Variants in ZNF473 observed in about 807,000 individuals in gnomAD.
ZNF473 encodes zinc finger protein 100 homolog.
A neutral mutation model predicts 11.1 loss-of-function variants in ZNF473; 4 were observed. That is an observed-to-expected ratio of 0.36 (90% CI 0.18 to 0.82). The LOEUF (loss-of-function observed/expected upper bound fraction) is 0.82, where lower values mean the gene tolerates loss of function less well. Ranked by LOEUF, ZNF473 falls within the 40% of genes least tolerant of loss-of-function variation. The pLI is 0.49. For missense variants in ZNF473, 854 were observed against 1,084.0 expected (o/e 0.79, Z 2.98); for synonymous variants, 404 against 390.4 (o/e 1.03, Z -0.41).
chr19:50,034,990 C>T (rs10407938), intron 2 of ZNF473, among the ~76,000 whole-genome samples: 7,991 of 152,234 alleles, frequency 0.052, 693 homozygotes, highest in African/African-American at 0.18. Context: ...TTAGTTGGAA[C>T]ACTTTACAAG....
intron 4 of ZNF473, chr19:50,042,046 G>A (rs1023052983): frequency 5.5e-6 from 2 of 361,806 alleles, no homozygotes; most frequent in Non-Finnish European, 1.0e-5. Context: ...TTCAGCACAG[G>A]GTTATCCTGG....
At chr19:50,042,791 G>T (rs1978848241) in intron 4 of ZNF473, 2 of 152,186 alleles carry the variant, frequency 1.3e-5, no homozygotes, top group Non-Finnish European at 2.9e-5. Flanking sequence ...GCATATAAGG[G>T]GTGCCTATTA....
chr19:50,043,446 AAAATATATAT>A (rs1183278033), intron 4 of ZNF473: 4 of 107,364 alleles, frequency 3.7e-5, no homozygotes, highest in Non-Finnish European at 5.8e-5. Context: ...AAAAAAAAAA[AAAATATATAT>A]ATATATATAT....
At chr19:50,030,586 C>T (rs374054743) in intron 1 of ZNF473, among the ~76,000 whole-genome samples, 9 of 152,202 alleles carry the variant, frequency 5.9e-5, no homozygotes, top group South Asian at 4.1e-4. Context: ...ATCCCAGAAG[C>T]ATTGTTCCAT....
chr19:50,046,395 G>A lies in ZNF473; in HGVS notation c.1952G>A (p.Cys651Tyr). Residue 651 changes from cysteine to tyrosine, a missense_variant, in exon 5 of 5, where the codon TGC (cysteine) becomes TAC (tyrosine). Cys to Tyr is a radical substitution (Grantham distance 194). Coordinates refer to ENST00000270617, the MANE Select transcript of ZNF473 (RefSeq NM_015428.4). This position sits in a 1 kb window ranked among gnomAD's most constrained non-coding sequence, Gnocchi z 5.9. ...TKEHPFKCNE[C>Y]GKTFSHSAHL... is the part of the protein sequence containing the mutation. ...GAGCACCCTTTTAAATGTAACGAAT[G>A]CGGAAAGACCTTCAGCCACAGTGCA... 6.2e-7 allele frequency: 1 copy of A among 1,614,182 alleles called. No individual in the cohort carries two copies. Among genetic ancestry groups the A allele is most frequent in the Non-Finnish European group, 8.5e-7 (1 of 1,180,028 alleles).
chr19:50,032,220 G>A (rs1039229193), intron 2 of ZNF473, among the ~76,000 whole-genome samples: 19 of 150,836 alleles, frequency 1.3e-4, no homozygotes, highest in African/African-American at 4.6e-4. Context: ...CTGGGAGTGT[G>A]AGGAAAGGAA....
intron 1 of ZNF473, among the ~76,000 whole-genome samples, chr19:50,029,703 A>G (rs954015491): frequency 1.3e-5 from 2 of 152,366 alleles, no homozygotes; most frequent in Admixed American, 6.5e-5. Flanking sequence ...CATGAAAATA[A>G]CTAGGTGGGC....
chr19:50,030,953 A>G lies in ZNF473; in HGVS notation c.-130A>G, dbSNP rs2077314551. On this transcript the variant is annotated 5_prime_UTR_variant, in exon 2 of 5. Transcript: ENST00000270617. ...ACATTTTGGGGGCTCGTCAGCATGG[A>G]CAGCGAGTCAGCCATGGGTGGAAGG... 7.3e-7 allele frequency: 1 copy of G among 1,363,158 alleles called. No homozygotes were observed. The highest frequency in any genetic ancestry group is 1.0e-6 in the Non-Finnish European group (1 of 977,946). 84.4% of individuals were successfully genotyped at this position (1,363,158 alleles called of 1,614,324 possible). A position where few individuals can be genotyped will look rare whatever the true frequency, so the allele number is the denominator to read the frequency against.
chr19:50,046,579 T>C lies in ZNF473; in HGVS notation c.2136T>C (p.Arg712=), dbSNP rs144238747. ...LVCNECGKTF[R]QSSCLSKHQR... ...GTAACGAATGCGGGAAAACGTTCCG[T>C]CAGAGCTCATGCCTTTCTAAGCATC... Residue 712 remains arginine (R), a synonymous_variant, in exon 5 of 5, where the codon CGT becomes CGC. Coordinates refer to ENST00000270617, the MANE Select transcript of ZNF473 (RefSeq NM_015428.4). The surrounding 1 kb of genome is among the most constrained non-coding windows in gnomAD (Gnocchi z 5.9). The C allele has an allele frequency of 1.6e-4, 263 of 1,614,184 alleles. No homozygotes were observed. In the African/African-American group the frequency reaches 3.1e-3, roughly 19 times the overall value.
intron 4 of ZNF473, among the ~76,000 whole-genome samples, chr19:50,044,062 G>C (rs1478446718): frequency 6.6e-6 from 1 of 152,142 alleles, no homozygotes; most frequent in Non-Finnish European, 1.5e-5. Flanking sequence ...GATATAGTCA[G>C]ATCCATTAAC....
Position 50,044,717 on chromosome 19 carries a change from G to A in ZNF473, c.274G>A (p.Glu92Lys). The part of the protein sequence containing the change: ...NSPLMEDFFE[E>K]GFSQEIIEML... Reference sequence around the variant, plus strand: ...TCCTCTGATGGAGGATTTCTTCGAAGAAGGATTCTCCCAGGAGATTATAGA... The same window carrying A: ...TCCTCTGATGGAGGATTTCTTCGAAAAAGGATTCTCCCAGGAGATTATAGA... Residue 92 changes from glutamate (E) to lysine (K), a missense_variant, in exon 5 of 5, where the codon GAA becomes AAA. Glu to Lys is a moderately conservative substitution (Grantham distance 56, BLOSUM62 1). Around this residue, in one of 2 missense-constraint regions of ZNF473, gnomAD observed 668 missense variants for 790.2 expected, o/e 0.85. Transcript: ENST00000270617. The A allele has an allele frequency of 1.2e-6, 2 of 1,613,300 alleles. No individual in the cohort carries two copies. The highest frequency in any genetic ancestry group is 3.3e-5 in the Admixed American group (2 of 59,758).
intron 2 of ZNF473, among the ~76,000 whole-genome samples, chr19:50,035,936 G>A (rs1978409316): frequency 1.3e-5 from 2 of 151,996 alleles, no homozygotes; most frequent in African/African-American, 4.8e-5. Context: ...CTCACCGTGT[G>A]CTGTGGTTGG....
At chr19:50,037,238 A>G (rs190642112) in intron 2 of ZNF473, among the ~76,000 whole-genome samples, 43 of 152,190 alleles carry the variant, frequency 2.8e-4, no homozygotes, top group Admixed American at 2.7e-3. Flanking sequence ...CCCTGATGAG[A>G]TGGGACTCGT....
intron 1 of ZNF473, among the ~76,000 whole-genome samples, chr19:50,028,314 A>C (rs1453797679): frequency 6.9e-6 from 1 of 144,826 alleles, no homozygotes; most frequent in Non-Finnish European, 1.5e-5. Context: ...AAAAAAAAAA[A>C]CAAATTTAAT....
intron 2 of ZNF473, among the ~76,000 whole-genome samples, chr19:50,037,359 C>A (rs1010930059): frequency 6.6e-6 from 1 of 152,140 alleles, no homozygotes; most frequent in African/African-American, 2.4e-5. Flanking sequence ...CAGACCCAAA[C>A]TAAAGAGAGG....
In ZNF473 at chr19:50,047,298, C is replaced by G. The variant is rs759736743; in HGVS notation, c.*239C>G. Reference sequence around the variant, plus strand: ...TTGAGTTAAATCCCACCTCTGCCATCTACTACCTAAGTGACCTTGGGAAGG... The same window carrying G: ...TTGAGTTAAATCCCACCTCTGCCATGTACTACCTAAGTGACCTTGGGAAGG... On this transcript the variant is annotated 3_prime_UTR_variant, in exon 5 of 5. Coordinates refer to ENST00000270617, the MANE Select transcript of ZNF473 (RefSeq NM_015428.4). 6 of 468,000 alleles carry G rather than the reference C, an allele frequency of 1.3e-5. No individual in the cohort carries two copies. The highest frequency in any genetic ancestry group is 2.3e-5 in the Non-Finnish European group (6 of 258,632). The allele number at this position is 468,000 out of a possible 1,614,324, so 29.0% of individuals were successfully genotyped here.
chr19:50,030,901 C>A lies in ZNF473; in HGVS notation c.-182C>A. On this transcript the variant is annotated 5_prime_UTR_variant, in exon 2 of 5. Transcript: ENST00000270617. ...TTGTTGTCCCCTGCAGGGAGACTCA[C>A]ATTGGGACTTGTCCTCCTCCTCCTG... is the stretch of plus-strand genomic sequence containing the variant. 1.3e-6 allele frequency: 1 copy of A among 783,220 alleles called. No individual in the cohort carries two copies. The allele number at this position is 783,220 out of a possible 1,614,324, so 48.5% of individuals were successfully genotyped here. A position where few individuals can be genotyped will look rare whatever the true frequency, so the allele number is the denominator to read the frequency against.
At position 50,045,526 on chromosome 19, in the gene ZNF473, C is replaced by T. The variant is rs772853886; in HGVS notation, c.1083C>T (p.His361=). Residue 361 remains histidine, a synonymous_variant, in exon 5 of 5, where the codon CAC becomes CAT. Coordinates refer to ENST00000270617, the MANE Select transcript of ZNF473 (RefSeq NM_015428.4). ...AGGCGACCTTCAACTTGAGAAAACA[C>T]CTCATCCAACATCAGAAAACTCACG... ...KCQATFNLRK[H]LIQHQKTHAA... The T allele has an allele frequency of 2.5e-6, 4 of 1,614,200 alleles. No individual in the cohort carries two copies. In the Admixed American group the frequency reaches 6.7e-5, roughly 27 times the overall value.
At position 50,045,503 on chromosome 19, in the gene ZNF473, GCGAC is replaced by G; in HGVS notation, c.1062_1065del (p.Thr355SerfsTer3). 6.2e-7 allele frequency: 1 copy of G among 1,614,158 alleles called. No individual in the cohort carries two copies. The highest frequency in any genetic ancestry group is 8.5e-7 in the Non-Finnish European group (1 of 1,180,028). On this transcript the variant is annotated frameshift_variant, in exon 5 of 5. Transcript: ENST00000270617. LOFTEE classifies it low-confidence loss of function (END_TRUNC). ...ACGCTATGAGTGTTCCAAGTGCCAG[GCGAC>G]CTTCAACTTGAGAAAACACCTCATC... is the stretch of plus-strand genomic sequence containing the variant.
Sources: gnomAD v4.1 joint callset for allele counts (sites outside exome capture counted in the v4.1 genomes callset) on GRCh38, gnomAD v4.1.1 for gene constraint, gnomAD v4.1.1 regional missense constraint, Gnocchi (gnomAD v3.1) non-coding constraint, MANE v1.5 for transcripts, NCBI Gene and HGNC (gene_info 2026-07-23, HGNC 2026-07-21) for gene names.